GRK5: variants seen among roughly 807,000 people sequenced by gnomAD.
GRK5 encodes G protein-coupled receptor kinase 5.
In GRK5, 40 loss-of-function variants were observed where a neutral mutation model predicts 78.4. That is an observed-to-expected ratio of 0.51 (90% CI 0.40 to 0.66). The LOEUF is 0.66. GRK5 is among the 30% of genes least tolerant of loss of function. The pLI is 0.00. For missense variants in GRK5, 598 were observed against 759.9 expected, an observed-to-expected ratio of 0.79 and a Z score of 2.50; for synonymous variants, 289 against 296.8, an observed-to-expected ratio of 0.97 and a Z score of 0.27.
At position 119,271,408 on chromosome 10, in the gene GRK5, C is replaced by T. The variant is rs1162264750; in HGVS notation, c.53-55108C>T. On this transcript the variant is annotated intron_variant, in intron 1 of 15. Coordinates refer to ENST00000392870, the MANE Select transcript of GRK5 (RefSeq NM_005308.3). This position sits in a 1 kb window ranked among gnomAD's most constrained non-coding sequence, Gnocchi z 4.1. ...TATTGTTTGCTGTCCCAGAGACTGGCTGAAACAATGTGTTTCCTACAGATT... is the reference window on the plus strand; with the variant it reads ...TATTGTTTGCTGTCCCAGAGACTGGTTGAAACAATGTGTTTCCTACAGATT... Among the ~76,000 whole-genome samples, 2 of 152,258 alleles carry T rather than the reference C, an allele frequency of 1.3e-5. No individual in the cohort carries two copies. The highest frequency in any genetic ancestry group is 4.8e-5 in the African/African-American group (2 of 41,470).
chr10:119,326,343 C>A (rs1420819059), intron 1 of GRK5, among the ~76,000 whole-genome samples, 173 bp from the exon 2 acceptor site: 1 of 152,212 alleles, frequency 6.6e-6, no homozygotes. Context: ...CACAGCCCAC[C>A]TGGGAGGAAG....
intron 2 of GRK5, among the ~76,000 whole-genome samples, chr10:119,329,434 G>A (rs1403454394): frequency 6.6e-6 from 1 of 152,182 alleles, no homozygotes; most frequent in Non-Finnish European, 1.5e-5. Flanking sequence ...ACAGCAGTGA[G>A]CTTCCTGGGT....
chr10:119,252,206 G>A (rs1849215813), intron 1 of GRK5, among the ~76,000 whole-genome samples: 1 of 152,208 alleles, frequency 6.6e-6, no homozygotes, highest in Non-Finnish European at 1.5e-5. Flanking sequence ...TGGGTGGGGT[G>A]AGCTTGCCAG....
chr10:119,443,965 C>A (rs1239544071), intron 12 of GRK5, among the ~76,000 whole-genome samples: 1 of 151,946 alleles, frequency 6.6e-6, no homozygotes, highest in African/African-American at 2.4e-5. Flanking sequence ...CTGGGTGGGG[C>A]AGGGACACCC....
chr10:119,213,866 G>C (rs1426223962), intron 1 of GRK5, among the ~76,000 whole-genome samples: 1 of 152,188 alleles, frequency 6.6e-6, no homozygotes, highest in East Asian at 1.9e-4. Context: ...GGTTGTTGAA[G>C]GACCCAGTGC....
chr10:119,354,130 T>C (rs1851227134), intron 2 of GRK5, among the ~76,000 whole-genome samples: 1 of 151,946 alleles, frequency 6.6e-6, no homozygotes, highest in Non-Finnish European at 1.5e-5. Flanking sequence ...AAAAAATGTC[T>C]ATAAGGTAGA....
intron 1 of GRK5, among the ~76,000 whole-genome samples, chr10:119,248,358 GT>G (rs1346926772): frequency 1.3e-5 from 2 of 152,168 alleles, no homozygotes; most frequent in Non-Finnish European, 2.9e-5. Context: ...TGATGTGTGT[GT>G]TGATGTACAG....
intron 3 of GRK5, among the ~76,000 whole-genome samples, chr10:119,382,102 G>C (rs1387059766): frequency 6.6e-6 from 1 of 152,084 alleles, no homozygotes; most frequent in East Asian, 1.9e-4. Context: ...ACTCTTTGAT[G>C]CCTTCCCCTC....
At chr10:119,448,351 T>G in intron 13 of GRK5, 91 bp downstream of exon 13, 20 of 1,394,544 alleles carry the variant, frequency 1.4e-5, no homozygotes, top group Non-Finnish European at 1.9e-5. Flanking sequence ...TGGTGCAGAG[T>G]GTGGGGCACA....
At chr10:119,330,345 G>A (rs1037679137) in intron 2 of GRK5, 6 of 117,434 alleles carry the variant, frequency 5.1e-5, no homozygotes, top group African/African-American at 1.7e-4. Context: ...CTGTCTTCTT[G>A]TATCCTTGCA....
rs187193166 is a variant in GRK5 at position 119,327,951 on chromosome 10, A to G, written c.148+1340A>G. Reference sequence around the variant, plus strand: ...TTGGGGGCTCTGGGTCCAGGCAGACATGGGTTCAGATCCTGCCCTCTCTGC... The same window carrying G: ...TTGGGGGCTCTGGGTCCAGGCAGACGTGGGTTCAGATCCTGCCCTCTCTGC... On this transcript the variant is annotated intron_variant, in intron 2 of 15. Transcript: ENST00000392870. Among the ~76,000 whole-genome samples the G allele has an allele frequency of 6.3e-4, 96 of 152,300 alleles. 1 individual carries two copies. In the East Asian group the frequency reaches 0.01, roughly 17 times the overall value.
intron 1 of GRK5, among the ~76,000 whole-genome samples, chr10:119,218,870 C>T (rs1589685115): frequency 6.6e-6 from 1 of 151,740 alleles, no homozygotes; most frequent in Non-Finnish European, 1.5e-5. Flanking sequence ...GTATCCCTAA[C>T]TGAAGAATCT....
At chr10:119,243,801 G>A (rs1200142661) in intron 1 of GRK5, among the ~76,000 whole-genome samples, 1 of 152,178 alleles carries the variant, frequency 6.6e-6, no homozygotes, top group African/African-American at 2.4e-5. Flanking sequence ...GCCACACAGT[G>A]AAAACCACAA....
At chr10:119,413,187 T>A (rs182393782) in intron 4 of GRK5, among the ~76,000 whole-genome samples, 8 of 151,698 alleles carry the variant, frequency 5.3e-5, no homozygotes, top group African/African-American at 1.9e-4. Flanking sequence ...AGGGCACTTC[T>A]CCCCCACCCA....
rs1443065056 is a variant in GRK5, at chr10:119,271,065, A to G, written c.53-55451A>G. On this transcript the variant is annotated intron_variant, in intron 1 of 15. Transcript: ENST00000392870. The surrounding 1 kb of genome is among the most constrained non-coding windows in gnomAD (Gnocchi z 4.1). The stretch of plus-strand genomic sequence containing the variant: ...TATCTTTGTTAATAATAATAACAGG[A>G]CCCGCCTAGAAGTGACTGAATAGCA... Among the ~76,000 whole-genome samples, 1 of 152,184 alleles carries G rather than the reference A, an allele frequency of 6.6e-6. No homozygotes were observed. The highest frequency in any genetic ancestry group is 1.9e-4 in the East Asian group (1 of 5,188).
At chr10:119,370,805 T>G (rs1564908525) in intron 2 of GRK5, among the ~76,000 whole-genome samples, 1 of 152,216 alleles carries the variant, frequency 6.6e-6, no homozygotes, top group Non-Finnish European at 1.5e-5. Flanking sequence ...TCTCTCCCCA[T>G]GTCCATTTCC....
chr10:119,335,175 T>TCTCTCTCTCTCTCTCTCTCC (rs1387026472), intron 2 of GRK5, among the ~76,000 whole-genome samples: 4 of 113,174 alleles, frequency 3.5e-5, no homozygotes, highest in East Asian at 3.0e-4. Flanking sequence ...TCTCTCTCTC[T>TCTCTCTCTCTCTCTCTCTCC]CCCCCTCTCC....
Position 119,431,436 on chromosome 10 carries a change from G to C in GRK5, c.647G>C (p.Arg216Pro). ...ACGGGTAAAATGTATGCCTGCAAGCGCTTGGAGAAGAAGAGGATCAAAAAG... is the reference window on the plus strand; with the variant it reads ...ACGGGTAAAATGTATGCCTGCAAGCCCTTGGAGAAGAAGAGGATCAAAAAG... The part of the protein sequence containing the change: ...RATGKMYACK[R>P]LEKKRIKKRK... Residue 216 changes from arginine to proline, a missense_variant, in exon 8 of 16, where the codon CGC (arginine) becomes CCC (proline). By Grantham distance (103) the Arg-to-Pro change is moderately radical (BLOSUM62 -2). Coordinates refer to ENST00000392870, the MANE Select transcript of GRK5 (RefSeq NM_005308.3). The surrounding 1 kb of genome is among the most constrained non-coding windows in gnomAD (Gnocchi z 4.8). 1 of 1,613,998 alleles carries C rather than the reference G, an allele frequency of 6.2e-7. No homozygotes were observed. The highest frequency in any genetic ancestry group is 8.5e-7 in the Non-Finnish European group (1 of 1,179,934).
chr10:119,415,655 T>C (rs1852435179), intron 4 of GRK5, among the ~76,000 whole-genome samples: 1 of 152,278 alleles, frequency 6.6e-6, no homozygotes, highest in African/African-American at 2.4e-5. Flanking sequence ...CTGAGATTGC[T>C]AGATGTGAGT....
Sources: gnomAD v4.1 joint callset for allele counts (sites outside exome capture counted in the v4.1 genomes callset) on GRCh38, gnomAD v4.1.1 for gene constraint, Gnocchi (gnomAD v3.1) non-coding constraint, MANE v1.5 for transcripts, NCBI Gene and HGNC (gene_info 2026-07-23, HGNC 2026-07-21) for gene names.